PLCG2: variants seen among roughly 807,000 people sequenced by gnomAD.
PLCG2 encodes 1-phosphatidylinositol 4,5-bisphosphate phosphodiesterase gamma-2.
In PLCG2, 69 loss-of-function variants were observed where a neutral mutation model predicts 175.6. The observed-to-expected ratio is 0.39, with a 90% CI of 0.32 to 0.48. PLCG2 has a LOEUF of 0.48. Ranked by LOEUF, PLCG2 falls within the 20% of genes least tolerant of loss-of-function variation. PLCG2 has a pLI of 0.91. For missense variants in PLCG2, 1,798 were observed against 1,650.9 expected (o/e 1.09, Z -1.54); for synonymous variants, 827 against 624.0 (o/e 1.33, Z -4.85).
chr16:81,940,477 C>T (rs776247232), intron 30 of PLCG2, among the ~76,000 whole-genome samples: 4 of 151,988 alleles, frequency 2.6e-5, no homozygotes, highest in Non-Finnish European at 4.4e-5. Flanking sequence ...GTAACAATCT[C>T]GAGGGTCCAA....
At chr16:81,796,583 T>C (rs1019312847) in intron 2 of PLCG2, among the ~76,000 whole-genome samples, 5 of 152,218 alleles carry the variant, frequency 3.3e-5, no homozygotes, top group Admixed American at 2.0e-4. Context: ...ATACTCAGAA[T>C]GTGATCTTAT....
intron 9 of PLCG2, among the ~76,000 whole-genome samples, chr16:81,884,601 C>CTT (rs1908262204): frequency 6.6e-6 from 1 of 150,378 alleles, no homozygotes; most frequent in Admixed American, 6.6e-5. Context: ...TTGTATGGAT[C>CTT]TGTGTGTGTG....
intron 22 of PLCG2, among the ~76,000 whole-genome samples, chr16:81,925,596 C>G (rs915240084): frequency 6.6e-6 from 1 of 152,090 alleles, no homozygotes; most frequent in African/African-American, 2.4e-5. Context: ...GATTAAGATC[C>G]AGAAAGGTCA....
At chr16:81,899,418 T>C (rs555748446) in intron 13 of PLCG2, among the ~76,000 whole-genome samples, 23 of 152,134 alleles carry the variant, frequency 1.5e-4, no homozygotes, top group African/African-American at 5.5e-4. Flanking sequence ...TCCTTATTGG[T>C]GGATTCTACT....
At chr16:81,845,310 A>G (rs1906057215) in intron 2 of PLCG2, among the ~76,000 whole-genome samples, 1 of 152,178 alleles carries the variant, frequency 6.6e-6, no homozygotes, top group Non-Finnish European at 1.5e-5. Context: ...AGAAGCTTCT[A>G]CATCTTTGTT....
chr16:81,909,257 G>T (rs1286451167), intron 17 of PLCG2, among the ~76,000 whole-genome samples: 2 of 152,160 alleles, frequency 1.3e-5, no homozygotes, highest in African/African-American at 4.8e-5. Context: ...ATGAAACAAG[G>T]CAACATAAAG....
intron 3 of PLCG2, among the ~76,000 whole-genome samples, chr16:81,856,861 A>G (rs574119667): frequency 6.6e-6 from 1 of 152,170 alleles, no homozygotes; most frequent in Non-Finnish European, 1.5e-5. Flanking sequence ...GGGTTCTTAG[A>G]TACCCGGGAA....
At position 81,786,097 on chromosome 16, in the gene PLCG2, C is replaced by CA; in HGVS notation, c.109dup (p.Thr37AsnfsTer23). On this transcript the variant is annotated frameshift_variant, in exon 2 of 33. Transcript: ENST00000564138. LOFTEE classifies it high-confidence loss of function. ...TGACTGTGTTCAGCTTCCGCAAGTC[C>CA]ACCCCCGAGCGGAGAACCGTCCAGG... The CA allele has an allele frequency of 6.2e-7, 1 of 1,614,170 alleles. No homozygotes were observed. Among genetic ancestry groups the CA allele is most frequent in the South Asian group, 1.1e-5 (1 of 91,086 alleles).
At chr16:81,917,845 C>T (rs900630226) in intron 19 of PLCG2, among the ~76,000 whole-genome samples, 2 of 152,160 alleles carry the variant, frequency 1.3e-5, no homozygotes, top group Non-Finnish European at 2.9e-5. Flanking sequence ...CCTCAGCCTC[C>T]CGAGTAGCTG....
At chr16:81,796,484 C>T (rs765644073) in intron 2 of PLCG2, among the ~76,000 whole-genome samples, 1 of 152,202 alleles carries the variant, frequency 6.6e-6, no homozygotes, top group Non-Finnish European at 1.5e-5. Context: ...AAGAGGACAT[C>T]GTCTGGCTCC....
In PLCG2 at chr16:81,961,715, T is replaced by G. The variant is rs534958574; in HGVS notation, c.*3717T>G. ...AAATTTTTAAAAAGATCATAGTATC[T>G]ATCAAATAACTTATATTAAGAACCT... On this transcript the variant is annotated 3_prime_UTR_variant, in exon 33 of 33. Coordinates refer to ENST00000564138, the MANE Select transcript of PLCG2 (RefSeq NM_002661.5). 4.8e-6 allele frequency: 1 copy of G among 207,544 alleles called. No individual in the cohort carries two copies. Among genetic ancestry groups the G allele is most frequent in the South Asian group, 1.9e-4 (1 of 5,316 alleles). 12.9% of individuals were successfully genotyped at this position (207,544 alleles called of 1,614,324 possible). A position where few individuals can be genotyped will look rare whatever the true frequency, so the allele number is the denominator to read the frequency against.
rs377753289 is a variant in PLCG2 at position 81,910,702 on chromosome 16, A to G, written c.1916A>G (p.Asn639Ser). 146 of 1,608,218 alleles carry G rather than the reference A, an allele frequency of 9.1e-5. No homozygotes were observed. The Admixed American group carries it at 1.2e-3, about 13-fold the overall frequency. Residue 639 changes from asparagine to serine, a missense_variant, in exon 18 of 33, where the codon AAC (asparagine) becomes AGC (serine). Coordinates refer to ENST00000564138, the MANE Select transcript of PLCG2 (RefSeq NM_002661.5). Reference protein sequence around the residue: ...LRLTDPVPNPNPHESKPWYYD... With the variant: ...LRLTDPVPNPSPHESKPWYYD... ...CTCACGGACCCTGTGCCCAACCCCA[A>G]CCCCCACGAGTCCAAGCCGTACGTG... is the stretch of plus-strand genomic sequence containing the variant.
In PLCG2 at chr16:81,892,326, G is replaced by A. The variant is rs1024134958; in HGVS notation, c.986+736G>A. Reference sequence around the variant, plus strand: ...ATGCTCACAGGGGGCTCTTGGGATGGTTACTCTGATTGCAACAGAAGGAGG... The same window carrying A: ...ATGCTCACAGGGGGCTCTTGGGATGATTACTCTGATTGCAACAGAAGGAGG... On this transcript the variant is annotated intron_variant, in intron 11 of 32. Coordinates refer to ENST00000564138, the MANE Select transcript of PLCG2 (RefSeq NM_002661.5). Among the ~76,000 whole-genome samples, 4 of 152,316 alleles carry A rather than the reference G, an allele frequency of 2.6e-5. No individual in the cohort carries two copies. In the East Asian group the frequency reaches 5.8e-4, roughly 22 times the overall value.
rs754274096 is a variant in PLCG2, at chr16:81,912,618, C to A, written c.1956C>A (p.Ser652Arg). 1 of 1,613,056 alleles carries A rather than the reference C, an allele frequency of 6.2e-7. No individual in the cohort carries two copies. Among genetic ancestry groups the A allele is most frequent in the South Asian group, 1.1e-5 (1 of 90,660 alleles). ...GCAGGTGGTACTATGACAGCCTGAG[C>A]CGCGGAGAGGCAGAGGACATGCTGA... is the stretch of plus-strand genomic sequence containing the variant. ...ESKPWYYDSL[S>R]RGEAEDMLMR... The change falls in exon 19 of 33, where the codon AGC becomes AGA. Residue 652 changes from serine (S) to arginine (R), a missense_variant. Physicochemically the swap from Ser to Arg is moderately radical, Grantham distance 110. Transcript: ENST00000564138.
intron 25 of PLCG2, among the ~76,000 whole-genome samples, chr16:81,933,472 A>T (rs1910586575): frequency 6.6e-6 from 1 of 152,114 alleles, no homozygotes; most frequent in South Asian, 2.1e-4. Context: ...CCTTCTAGTT[A>T]GTGGGTTTCC....
intron 5 of PLCG2, among the ~76,000 whole-genome samples, chr16:81,859,992 G>T (rs183743773): frequency 1.3e-5 from 2 of 151,738 alleles, no homozygotes; most frequent in Admixed American, 1.3e-4. Context: ...TTTTTTAGAG[G>T]CAGGGTCTCT....
At chr16:81,926,403 C>G (rs1320858551) in intron 22 of PLCG2, among the ~76,000 whole-genome samples, 1 of 152,138 alleles carries the variant, frequency 6.6e-6, no homozygotes, top group Non-Finnish European at 1.5e-5. Context: ...CACGGCCTTG[C>G]CGGGAGGAAT....
chr16:81,812,133 T>C (rs1488795155), intron 2 of PLCG2, among the ~76,000 whole-genome samples: 1 of 143,684 alleles, frequency 7.0e-6, no homozygotes, highest in African/African-American at 2.6e-5. Flanking sequence ...CACTGCAAGC[T>C]CCGCCTCCTG....
chr16:81,744,566 A>G (rs758917139), intron 1 of PLCG2, among the ~76,000 whole-genome samples: 4 of 150,970 alleles, frequency 2.6e-5, no homozygotes, highest in Non-Finnish European at 5.9e-5. Flanking sequence ...AGCAGTCATG[A>G]TGGTGAAGCT....
Sources: allele counts gnomAD v4.1 joint callset (sites outside exome capture counted in the v4.1 genomes callset), GRCh38; gene constraint gnomAD v4.1.1; transcripts MANE v1.5; gene names NCBI Gene and HGNC (gene_info 2026-07-23, HGNC 2026-07-21).